Variants in VWA3A observed in about 807,000 individuals in gnomAD.
The protein encoded by VWA3A is von Willebrand factor A domain containing 3A, also known as von Willebrand factor A domain-containing protein 3A.
In VWA3A, 134 loss-of-function variants were observed where a neutral mutation model predicts 160.4. The observed-to-expected ratio is 0.84, with a 90% CI of 0.73 to 0.96. The LOEUF (loss-of-function observed/expected upper bound fraction) is 0.96. VWA3A is among the 40% of genes least tolerant of loss of function. The pLI, the probability that VWA3A is intolerant of heterozygous loss-of-function variation, is 0.00. For synonymous variants in VWA3A, 476 were observed against 543.4 expected, an observed-to-expected ratio of 0.88 and a Z score of 1.72; for missense variants, 1,310 against 1,447.9, an observed-to-expected ratio of 0.90 and a Z score of 1.55.
chr16:22,112,994 G>C (rs2045573242), intron 8 of VWA3A, among the ~76,000 whole-genome samples: 1 of 152,206 alleles, frequency 6.6e-6, no homozygotes, highest in Non-Finnish European at 1.5e-5. Flanking sequence ...GCTAGTGCCA[G>C]GTACTCAATG....
At position 22,156,388 on chromosome 16, in the gene VWA3A, A is replaced by T. The variant is rs1328267812; in HGVS notation, c.*371A>T. The T allele has an allele frequency of 5.9e-6, 1 of 169,882 alleles. No homozygotes were observed. Among genetic ancestry groups the T allele is most frequent in the Non-Finnish European group, 1.3e-5 (1 of 79,788 alleles). 10.5% of individuals were successfully genotyped at this position (169,882 alleles called of 1,614,324 possible). ...TGCTCATCCATCAAGGCACAGCTCA[A>T]ATGACATCAGCTCCCTGGGACCTAT... On this transcript the variant is annotated 3_prime_UTR_variant, in exon 34 of 34. Coordinates refer to ENST00000389398, the MANE Select transcript of VWA3A (RefSeq NM_173615.5).
chr16:22,123,038 T>A (rs934783823), intron 14 of VWA3A, 47 bp from the exon 15 acceptor site: 2 of 1,508,156 alleles, frequency 1.3e-6, no homozygotes, highest in South Asian at 2.4e-5. Context: ...TTAAACTACA[T>A]GTACTTCTGT....
intron 30 of VWA3A, 30 bp downstream of exon 30, chr16:22,150,876 ATTC>A (rs2046337676): frequency 6.3e-7 from 1 of 1,597,140 alleles, no homozygotes; most frequent in African/African-American, 1.3e-5. Context: ...ACTGAGTTTT[ATTC>A]TTTTTCCACA....
intron 17 of VWA3A, among the ~76,000 whole-genome samples, chr16:22,130,563 T>C (rs2045929926): frequency 6.6e-6 from 1 of 152,142 alleles, no homozygotes; most frequent in Non-Finnish European, 1.5e-5. Context: ...TTAAATTCTG[T>C]CTTACAGGAC....
chr16:22,155,458 G>A, intron 31 of VWA3A, 109 bp from the exon 32 acceptor site: 1 of 931,734 alleles, frequency 1.1e-6, no homozygotes, highest in African/African-American at 1.6e-5. Context: ...AAGATTTCCT[G>A]CACTGGATGG....
In VWA3A at chr16:22,123,082, T is replaced by C. The variant is rs200817151; in HGVS notation, c.1357-3T>C. On this transcript the variant is annotated splice_polypyrimidine_tract_variant and splice_region_variant and intron_variant, in intron 14 of 33. Coordinates refer to ENST00000389398, the MANE Select transcript of VWA3A (RefSeq NM_173615.5). ...TCACCCTCCTGCCCATGCCTGAGTA[T>C]AGAAGGCAATGATACAATTTGAATG... 6.3e-7 allele frequency: 1 copy of C among 1,597,466 alleles called. No homozygotes were observed. The highest frequency in any genetic ancestry group is 2.2e-5 in the East Asian group (1 of 44,496).
intron 12 of VWA3A, 80 bp downstream of exon 12, chr16:22,119,107 T>C (rs2045692400): frequency 1.4e-6 from 2 of 1,447,444 alleles, no homozygotes; most frequent in Non-Finnish European, 1.8e-6. Context: ...CACCTGTTCA[T>C]AGGGGGCACA....
At chr16:22,104,994 C>G (rs1243371872) in intron 6 of VWA3A, among the ~76,000 whole-genome samples, 1 of 152,152 alleles carries the variant, frequency 6.6e-6, no homozygotes, top group East Asian at 1.9e-4. Context: ...TGGGTAACAA[C>G]ATAGTGCTAA....
chr16:22,139,834 T>C lies in VWA3A; in HGVS notation c.2293-320T>C, dbSNP rs571654955. On this transcript the variant is annotated intron_variant, in intron 22 of 33. Coordinates refer to ENST00000389398, the MANE Select transcript of VWA3A (RefSeq NM_173615.5). ...GGCAGGTGACTGATGAAAAAAATTC[T>C]GGCAAACCCCCATAGCTCTCTCACT... 2.0e-5 allele frequency among the ~76,000 whole-genome samples: 3 copies of C among 152,292 alleles called. No homozygotes were observed. In the East Asian group the frequency reaches 5.8e-4, roughly 29 times the overall value.
At position 22,100,302 on chromosome 16, in the gene VWA3A, C is replaced by T; in HGVS notation, c.334C>T (p.Gln112Ter). 1.9e-6 allele frequency: 3 copies of T among 1,551,548 alleles called. No individual in the cohort carries two copies. The highest frequency in any genetic ancestry group is 2.6e-6 in the Non-Finnish European group (3 of 1,146,978). The change falls in exon 4 of 34, where the codon CAG becomes TAG. Residue 112 changes from glutamine (Q) to a stop codon, truncating the protein, a stop_gained. Coordinates refer to ENST00000389398, the MANE Select transcript of VWA3A (RefSeq NM_173615.5). LOFTEE classifies it high-confidence loss of function. ...ACTCACCTTGGCTGACCTGATAAGC[C>T]AGGGCACAGAAGTGCTGTAAGTCTG... ...QKLTLADLIS[Q>*]GTEVLEEGTN... is the part of the protein sequence containing the mutation.
chr16:22,093,150 T>C (rs1474692568), intron 1 of VWA3A, among the ~76,000 whole-genome samples: 1 of 152,138 alleles, frequency 6.6e-6, no homozygotes, highest in Admixed American at 6.5e-5. Flanking sequence ...GCTACTGTGT[T>C]CTAAACTCTA....
At chr16:22,097,727 A>G (rs1344581405) in intron 3 of VWA3A, 32 bp downstream of exon 3, 2 of 1,550,278 alleles carry the variant, frequency 1.3e-6, no homozygotes, top group African/African-American at 1.4e-5. Flanking sequence ...CTGGGTCGTG[A>G]TACTACAAAT....
At chr16:22,139,676 C>G (rs2046107834) in intron 22 of VWA3A, among the ~76,000 whole-genome samples, 1 of 151,994 alleles carries the variant, frequency 6.6e-6, no homozygotes, top group African/African-American at 2.4e-5. Context: ...GCCTGGGTGA[C>G]AGAGCCAGAC....
rs2045789204 is a variant in VWA3A at position 22,123,727 on chromosome 16, T to C, written c.1532+20T>C. 8 of 1,606,020 alleles carry C rather than the reference T, an allele frequency of 5.0e-6. No individual in the cohort carries two copies. Among genetic ancestry groups the C allele is most frequent in the Middle Eastern group, 1.7e-4 (1 of 6,022 alleles). On this transcript the variant is annotated intron_variant, in intron 16 of 33. Transcript: ENST00000389398. ...AAAAAGGTACCTTTCTTAAGCAGGGTTCTTATCCTTCATGGGTCTGGTGTG... is the reference window on the plus strand; with the variant it reads ...AAAAAGGTACCTTTCTTAAGCAGGGCTCTTATCCTTCATGGGTCTGGTGTG...
chr16:22,122,737 A>G (rs956961678), intron 14 of VWA3A, among the ~76,000 whole-genome samples: 1 of 152,170 alleles, frequency 6.6e-6, no homozygotes, highest in South Asian at 2.1e-4. Context: ...AAGGTCTCCA[A>G]CTGTGCTCTC....
chr16:22,124,971 A>G (rs2045816310), intron 16 of VWA3A, among the ~76,000 whole-genome samples: 1 of 152,206 alleles, frequency 6.6e-6, no homozygotes, highest in Admixed American at 6.5e-5. Context: ...ATAAGGCTAG[A>G]GATCTTAAAA....
intron 17 of VWA3A, among the ~76,000 whole-genome samples, chr16:22,128,250 C>T (rs935910176): frequency 6.6e-6 from 1 of 152,076 alleles, no homozygotes; most frequent in Admixed American, 6.5e-5. Context: ...ATCGGGTTTG[C>T]GTCTTCAAAT....
chr16:22,116,878 G>C lies in VWA3A; in HGVS notation c.924+11G>C. ...GATCAGATGCCCCCTGTGAGTGCCC[G>C]AGATTCTCTGAGGTGCCCCTTGGCT... On this transcript the variant is annotated intron_variant, in intron 10 of 33. Coordinates refer to ENST00000389398, the MANE Select transcript of VWA3A (RefSeq NM_173615.5). The C allele has an allele frequency of 1.9e-6, 3 of 1,607,910 alleles. No homozygotes were observed. Among genetic ancestry groups the C allele is most frequent in the Non-Finnish European group, 2.6e-6 (3 of 1,176,156 alleles).
At chr16:22,126,887 G>A (rs180988837) in intron 17 of VWA3A, among the ~76,000 whole-genome samples, 6 of 150,390 alleles carry the variant, frequency 4.0e-5, no homozygotes, top group Admixed American at 2.7e-4. Context: ...TTAATTATGT[G>A]TATATATATA....
Sources: allele counts gnomAD v4.1 joint callset (sites outside exome capture counted in the v4.1 genomes callset), GRCh38; gene constraint gnomAD v4.1.1; transcripts MANE v1.5; gene names NCBI Gene and HGNC (gene_info 2026-07-23, HGNC 2026-07-21).